THRB: variants seen among roughly 807,000 people sequenced by gnomAD.
The protein encoded by THRB is thyroid hormone receptor beta.
Under a neutral mutation model 47.8 loss-of-function variants are expected in THRB, and 12 were observed. That is an observed-to-expected ratio of 0.25 (90% CI 0.16 to 0.41). The LOEUF is 0.41. Ranked by LOEUF, THRB falls within the 10% of genes least tolerant of loss-of-function variation. The pLI is 1.00. For missense variants in THRB, 348 were observed against 589.2 expected (o/e 0.59, Z 4.24); for synonymous variants, 218 against 212.2 (o/e 1.03, Z -0.24).
intron 5 of THRB, among the ~76,000 whole-genome samples, chr3:24,163,934 A>G (rs2039265167): frequency 6.6e-6 from 1 of 152,178 alleles, no homozygotes; most frequent in Non-Finnish European, 1.5e-5. Context: ...AGAAAAGCAA[A>G]TGATAAATTT....
At chr3:24,387,672 A>T (rs2066235117) in intron 1 of THRB, among the ~76,000 whole-genome samples, 1 of 152,190 alleles carries the variant, frequency 6.6e-6, no homozygotes, top group Non-Finnish European at 1.5e-5. Flanking sequence ...AAATGAGTGC[A>T]TCATTACATT....
chr3:24,326,411 T>C (rs1452638980), intron 2 of THRB, among the ~76,000 whole-genome samples: 1 of 152,026 alleles, frequency 6.6e-6, no homozygotes, highest in African/African-American at 2.4e-5. Flanking sequence ...AATTTTCATA[T>C]TTGTAGTAGA....
intron 3 of THRB, among the ~76,000 whole-genome samples, chr3:24,249,121 AT>A (rs1559730340): frequency 6.6e-6 from 1 of 152,172 alleles, no homozygotes; most frequent in African/African-American, 2.4e-5. Flanking sequence ...AGAAATTATT[AT>A]TTCCAGCAAA....
chr3:24,310,048 C>T (rs544839313), intron 2 of THRB, among the ~76,000 whole-genome samples: 7 of 152,170 alleles, frequency 4.6e-5, no homozygotes, highest in Non-Finnish European at 7.4e-5. Context: ...GGGCTTGCTA[C>T]CCTAAATGGG....
intron 3 of THRB, among the ~76,000 whole-genome samples, chr3:24,259,817 A>T (rs890721136): frequency 2.0e-5 from 3 of 152,220 alleles, no homozygotes; most frequent in Non-Finnish European, 4.4e-5. Flanking sequence ...ATTTCCATTA[A>T]CAAGTCCTTG....
chr3:24,174,756 C>T (rs564147868), intron 5 of THRB, among the ~76,000 whole-genome samples: 1 of 152,262 alleles, frequency 6.6e-6, no homozygotes, highest in African/African-American at 2.4e-5. Context: ...ACTGTGCTAA[C>T]CACTTTCCTA....
At chr3:24,389,684 T>TC (rs566953915) in intron 1 of THRB, among the ~76,000 whole-genome samples, 3 of 151,372 alleles carry the variant, frequency 2.0e-5, no homozygotes, top group African/African-American at 4.9e-5. Context: ...CTATCTCAAT[T>TC]CCCCCCCTTT....
chr3:24,232,617 G>A (rs984344637), intron 3 of THRB, among the ~76,000 whole-genome samples: 1 of 152,128 alleles, frequency 6.6e-6, no homozygotes, highest in Non-Finnish European at 1.5e-5. Context: ...GAAAAACTGG[G>A]TGGTGCCTTT....
At chr3:24,137,921 C>A (rs2034896004) in intron 8 of THRB, among the ~76,000 whole-genome samples, 1 of 152,052 alleles carries the variant, frequency 6.6e-6, no homozygotes, top group Admixed American at 6.6e-5. Context: ...CAGCTGAAAA[C>A]AAGGGCCAAA....
At chr3:24,358,855 A>T (rs904938149) in intron 1 of THRB, among the ~76,000 whole-genome samples, 6 of 152,206 alleles carry the variant, frequency 3.9e-5, no homozygotes, top group African/African-American at 1.4e-4. Flanking sequence ...ATTATAATAT[A>T]GATTAATTTA....
intron 1 of THRB, among the ~76,000 whole-genome samples, chr3:24,362,876 C>A (rs1173361443): frequency 6.6e-6 from 1 of 152,062 alleles, no homozygotes; most frequent in Admixed American, 6.6e-5. Context: ...ACATTTGTGA[C>A]CTGCCTTGTT....
chr3:24,221,647 G>T (rs966804303), intron 4 of THRB, among the ~76,000 whole-genome samples: 2 of 152,134 alleles, frequency 1.3e-5, no homozygotes, highest in Admixed American at 6.5e-5. Context: ...TGCTGAGAAA[G>T]AATTTTTTTT....
At chr3:24,332,920 C>G (rs1280655450) in intron 2 of THRB, among the ~76,000 whole-genome samples, 1 of 151,988 alleles carries the variant, frequency 6.6e-6, no homozygotes, top group African/African-American at 2.4e-5. Context: ...GCCATCTCTA[C>G]TAAAAATACA....
At chr3:24,322,145 A>G (rs574743455) in intron 2 of THRB, among the ~76,000 whole-genome samples, 3 of 152,190 alleles carry the variant, frequency 2.0e-5, no homozygotes, top group Non-Finnish European at 4.4e-5. Flanking sequence ...TTATAATGTA[A>G]GAAACAAGAT....
At chr3:24,152,565 T>G in intron 5 of THRB, 75 bp from the exon 6 acceptor site, 1 of 834,698 alleles carries the variant, frequency 1.2e-6, no homozygotes, top group Non-Finnish European at 2.1e-6. Context: ...CTAAGGTTGC[T>G]AGGCCAGAGA....
At chr3:24,462,286 T>C (rs1475816353) in intron 1 of THRB, among the ~76,000 whole-genome samples, 3 of 152,256 alleles carry the variant, frequency 2.0e-5, no homozygotes, top group Non-Finnish European at 4.4e-5. Context: ...ACCTCCTTTC[T>C]TTTGGGCCAG....
intron 5 of THRB, among the ~76,000 whole-genome samples, chr3:24,152,853 T>C (rs987290739): frequency 6.6e-6 from 1 of 151,482 alleles, no homozygotes; most frequent in Non-Finnish European, 1.5e-5. Flanking sequence ...TCCCAGCTAC[T>C]CAGGAGGCTG....
intron 1 of THRB, among the ~76,000 whole-genome samples, chr3:24,398,631 G>A (rs940372383): frequency 6.6e-6 from 1 of 152,168 alleles, no homozygotes; most frequent in African/African-American, 2.4e-5. Context: ...CTGTTGGTGG[G>A]ACTGTAAACT....
At chr3:24,282,651 T>C (rs1263066621) in intron 3 of THRB, among the ~76,000 whole-genome samples, 1 of 143,578 alleles carries the variant, frequency 7.0e-6, no homozygotes, top group African/African-American at 2.8e-5. Flanking sequence ...CAGGAGCTGG[T>C]TTTTTGAAAG....
Sources: gnomAD v4.1 joint callset for allele counts (sites outside exome capture counted in the v4.1 genomes callset) on GRCh38, gnomAD v4.1.1 for gene constraint, MANE v1.5 for transcripts, NCBI Gene and HGNC (gene_info 2026-07-23, HGNC 2026-07-21) for gene names.